Variants in PIGL observed in about 807,000 individuals in gnomAD.
PIGL encodes the protein phosphatidylinositol glycan anchor biosynthesis class L, also known as N-acetylglucosaminyl-phosphatidylinositol de-N-acetylase.
PIGL carries 22 observed loss-of-function variants against 31.1 expected under a neutral mutation model. The observed-to-expected ratio is 0.71, with a 90% CI of 0.51 to 1.01. PIGL has a LOEUF of 1.01. PIGL is among the 50% of genes least tolerant of loss of function. The pLI is 0.00. For missense variants in PIGL, 302 were observed against 315.9 expected (o/e 0.96, Z 0.33); for synonymous variants, 131 against 117.4 (o/e 1.12, Z -0.75).
chr17:16,263,773 G>A (rs1469188570), intron 2 of PIGL, among the ~76,000 whole-genome samples: 8 of 150,014 alleles, frequency 5.3e-5, no homozygotes, highest in Admixed American at 2.7e-4. Flanking sequence ...TGCCCATCTC[G>A]GCCTCCCAGA....
At chr17:16,259,281 G>GA (rs200555325) in intron 2 of PIGL, among the ~76,000 whole-genome samples, 7,936 of 137,252 alleles carry the variant, frequency 0.058, 268 homozygotes, top group African/African-American at 0.11. Context: ...GACTTTGCAG[G>GA]AAAAAAAAAA....
chr17:16,314,930 C>T (rs1475424607), intron 4 of PIGL, among the ~76,000 whole-genome samples: 2 of 152,170 alleles, frequency 1.3e-5, no homozygotes, highest in Non-Finnish European at 2.9e-5. Flanking sequence ...ATTCTGGATG[C>T]ACACTGAGCC....
In PIGL at chr17:16,317,747, C is replaced by T. The variant is rs774368331; in HGVS notation, c.527-28C>T. ...TCTGGCTGGAGGCCTCAAGGCTTATCACTTCACCCTGTCTCCTCTCCATCC... is the reference window on the plus strand; with the variant it reads ...TCTGGCTGGAGGCCTCAAGGCTTATTACTTCACCCTGTCTCCTCTCCATCC... On this transcript the variant is annotated intron_variant, in intron 5 of 6. Coordinates refer to ENST00000225609, the MANE Select transcript of PIGL (RefSeq NM_004278.4). 30 of 1,612,978 alleles carry T rather than the reference C, an allele frequency of 1.9e-5. No homozygotes were observed. In the South Asian group the frequency reaches 3.0e-4, roughly 16 times the overall value.
intron 4 of PIGL, 134 bp from the exon 5 acceptor site, chr17:16,316,547 A>T (rs1333434687): frequency 1.3e-6 from 1 of 796,590 alleles, no homozygotes; most frequent in Non-Finnish European, 1.9e-6. Context: ...ACAGTGATTT[A>T]TGCAAAAGAA....
intron 1 of PIGL, among the ~76,000 whole-genome samples, chr17:16,220,559 G>A (rs178795): frequency 0.46 from 64,246 of 140,992 alleles, 15,427 homozygotes; most frequent in Middle Eastern, 0.61. Flanking sequence ...TTCGATCTTG[G>A]CTCACTGCAA....
intron 2 of PIGL, among the ~76,000 whole-genome samples, chr17:16,292,586 G>A (rs1195422624): frequency 6.6e-6 from 1 of 152,114 alleles, no homozygotes; most frequent in East Asian, 1.9e-4. Context: ...TTATGGATAA[G>A]GATGCTCATT....
chr17:16,259,812 T>A (rs1055128607), intron 2 of PIGL, among the ~76,000 whole-genome samples: 2 of 152,068 alleles, frequency 1.3e-5, no homozygotes, highest in African/African-American at 4.8e-5. Context: ...GGAGCCCTAC[T>A]CCCTTCTGAG....
In PIGL at chr17:16,234,073, A is replaced by G. The variant is rs1283307247; in HGVS notation, c.335+3A>G. 2.0e-6 allele frequency: 3 copies of G among 1,487,846 alleles called. No homozygotes were observed. Among genetic ancestry groups the G allele is most frequent in the Non-Finnish European group, 2.8e-6 (3 of 1,066,322 alleles). 92.2% of individuals were successfully genotyped at this position (1,487,846 alleles called of 1,614,324 possible). On this transcript the variant is annotated splice_donor_region_variant and intron_variant, in intron 2 of 6. Transcript: ENST00000225609. ...AGTGTAATGATTATTGACAACAGGT[A>G]ATATATCTTTTAACAATGTAGAAAT... is the stretch of plus-strand genomic sequence containing the variant.
At chr17:16,298,003 T>C (rs2092989717) in intron 2 of PIGL, among the ~76,000 whole-genome samples, 1 of 152,018 alleles carries the variant, frequency 6.6e-6, no homozygotes, top group African/African-American at 2.4e-5. Flanking sequence ...CTGCAAACCT[T>C]ATTTTGAACT....
intron 2 of PIGL, among the ~76,000 whole-genome samples, chr17:16,246,246 G>A (rs1428432972): frequency 1.3e-5 from 2 of 151,684 alleles, no homozygotes; most frequent in Admixed American, 6.6e-5. Context: ...CAGGCCGGGT[G>A]CGGTGGCTCA....
At chr17:16,286,347 C>A (rs1407120622) in intron 2 of PIGL, among the ~76,000 whole-genome samples, 1 of 152,226 alleles carries the variant, frequency 6.6e-6, no homozygotes, top group African/African-American at 2.4e-5. Flanking sequence ...AAGACCTGGG[C>A]CCCTGGGCTT....
intron 2 of PIGL, among the ~76,000 whole-genome samples, chr17:16,266,388 C>CAAA (rs60708474): frequency 2.2e-4 from 16 of 71,972 alleles, no homozygotes; most frequent in Non-Finnish European, 3.2e-4. Context: ...GACTCCATCT[C>CAAA]AAAAAAAAAA....
intron 2 of PIGL, among the ~76,000 whole-genome samples, chr17:16,235,808 G>C (rs1329642310): frequency 1.3e-4 from 19 of 149,704 alleles, no homozygotes; most frequent in South Asian, 2.1e-4. Context: ...AACTTTTTGG[G>C]GGGCAAGAAT....
At chr17:16,224,528 A>C (rs1324477796) in intron 1 of PIGL, among the ~76,000 whole-genome samples, 2 of 151,904 alleles carry the variant, frequency 1.3e-5, no homozygotes, top group East Asian at 3.9e-4. Context: ...GCTGGTCTCC[A>C]ACTCTTGACC....
At chr17:16,278,298 G>A (rs2092903826) in intron 2 of PIGL, among the ~76,000 whole-genome samples, 1 of 152,120 alleles carries the variant, frequency 6.6e-6, no homozygotes, top group Non-Finnish European at 1.5e-5. Context: ...ATGCCAGTGA[G>A]GATGGGTCTC....
intron 1 of PIGL, among the ~76,000 whole-genome samples, chr17:16,221,154 T>C (rs1023339300): frequency 6.6e-6 from 1 of 152,208 alleles, no homozygotes; most frequent in African/African-American, 2.4e-5. Context: ...CTCTGTATTT[T>C]TTATTTGAAA....
chr17:16,243,710 T>C (rs1021616846), intron 2 of PIGL, among the ~76,000 whole-genome samples: 2 of 152,230 alleles, frequency 1.3e-5, no homozygotes, highest in African/African-American at 4.8e-5. Context: ...TCCTTTGTTT[T>C]CAAAGATGAT....
At chr17:16,217,632 TGGTGGGTTGGG>T in intron 1 of PIGL, 171 bp downstream of exon 1, 1 of 540,072 alleles carries the variant, frequency 1.9e-6, no homozygotes, top group Non-Finnish European at 3.2e-6. Flanking sequence ...CCGGCTTACC[TGGTGGGTTGGG>T]GGACGTCGGC....
chr17:16,316,972 G>C (rs1414295824), intron 5 of PIGL: 6 of 1,271,940 alleles, frequency 4.7e-6, no homozygotes, highest in Admixed American at 6.4e-5. Context: ...TCACAGGGTG[G>C]ATGTTTTACA....
Sources: gnomAD v4.1 joint callset for allele counts (sites outside exome capture counted in the v4.1 genomes callset) on GRCh38, gnomAD v4.1.1 for gene constraint, MANE v1.5 for transcripts, NCBI Gene and HGNC (gene_info 2026-07-23, HGNC 2026-07-21) for gene names.